Variants in SNRPA1 observed in about 807,000 individuals in gnomAD.
SNRPA1 encodes U2 small nuclear ribonucleoprotein A'.
In SNRPA1, 5 loss-of-function variants were observed where a neutral mutation model predicts 32.3. The ratio of observed to expected loss-of-function variants is 0.15; its 90% CI spans 0.08 to 0.33. The LOEUF (loss-of-function observed/expected upper bound fraction) is 0.33, where lower values mean the gene tolerates loss of function less well. Ranked by LOEUF, SNRPA1 falls within the 10% of genes least tolerant of loss-of-function variation. SNRPA1 has a pLI of 1.00. For synonymous variants in SNRPA1, 111 were observed against 120.1 expected (o/e 0.92, Z 0.50); for missense variants, 198 against 311.1 (o/e 0.64, Z 2.74).
At chr15:101,293,808 A>G (rs1397237313) in intron 1 of SNRPA1, among the ~76,000 whole-genome samples, 1 of 152,256 alleles carries the variant, frequency 6.6e-6, no homozygotes. Flanking sequence ...CCGAAGAAGC[A>G]AGGTCTACTA....
intron 5 of SNRPA1, chr15:101,286,686 G>A (rs1395807894): frequency 1.0e-5 from 5 of 492,882 alleles, no homozygotes; most frequent in African/African-American, 3.9e-5. Context: ...AGCACTTTGC[G>A]AACTTCGGAA....
At chr15:101,286,771 T>G (rs1309931654) in intron 5 of SNRPA1, 137 bp downstream of exon 5, 4 of 593,460 alleles carry the variant, frequency 6.7e-6, no homozygotes, top group African/African-American at 1.9e-5. Flanking sequence ...AAATGTGATG[T>G]AACATTTTCC....
At chr15:101,285,824 CTGTT>C in intron 6 of SNRPA1, 23 bp from the exon 7 acceptor site, 1 of 1,586,954 alleles carries the variant, frequency 6.3e-7, no homozygotes, top group Non-Finnish European at 8.6e-7. Flanking sequence ...AAGAACATAA[CTGTT>C]AGACCTAGAC....
chr15:101,286,555 C>T (rs910630639), intron 5 of SNRPA1: 11 of 484,242 alleles, frequency 2.3e-5, no homozygotes, highest in Non-Finnish European at 4.0e-5. Context: ...ATAATGAATT[C>T]CTAATAAAGG....
chr15:101,286,344 T>C (rs747640327), intron 5 of SNRPA1, 51 bp from the exon 6 acceptor site: 1 of 1,507,732 alleles, frequency 6.6e-7, no homozygotes, highest in South Asian at 1.1e-5. Flanking sequence ...ACCACATGCA[T>C]TTAGATGCAT....
chr15:101,290,215 C>T (rs544797591), intron 3 of SNRPA1, among the ~76,000 whole-genome samples: 1 of 152,276 alleles, frequency 6.6e-6, no homozygotes, highest in South Asian at 2.1e-4. Flanking sequence ...CTAAAATCGA[C>T]AGAACTTCAG....
chr15:101,286,088 A>G, intron 6 of SNRPA1, 126 bp downstream of exon 6: 1 of 763,464 alleles, frequency 1.3e-6, no homozygotes, highest in South Asian at 1.8e-5. Context: ...GACTATAAGC[A>G]CTCAAATTTA....
chr15:101,294,917 C>G, intron 1 of SNRPA1, 180 bp downstream of exon 1: 1 of 463,532 alleles, frequency 2.2e-6, no homozygotes. Context: ...AGGAGCTTAA[C>G]CGGATGCTCA....
intron 6 of SNRPA1, 80 bp from the exon 7 acceptor site, chr15:101,285,881 G>C (rs752372891): frequency 3.8e-4 from 411 of 1,071,110 alleles, no homozygotes; most frequent in Non-Finnish European, 5.6e-4. Context: ...GCTTTTGAAA[G>C]TAATTCAACC....
rs2039395823 is a variant in SNRPA1, at chr15:101,281,667, G to A, written c.*57C>T. On this transcript the variant is annotated 3_prime_UTR_variant, in exon 9 of 9. Transcript: ENST00000254193. ...AACACAAACAAGGCTATTATACCAT[G>A]TTCGAAAAGCAAGACTTGTTCCAAG... The A allele has an allele frequency of 7.5e-7, 1 of 1,326,388 alleles. No homozygotes were observed. Among genetic ancestry groups the A allele is most frequent in the South Asian group, 1.2e-5 (1 of 85,242 alleles). 82.2% of individuals were successfully genotyped at this position (1,326,388 alleles called of 1,614,324 possible).
At chr15:101,287,486 C>T (rs1242163774) in intron 4 of SNRPA1, among the ~76,000 whole-genome samples, 170 bp downstream of exon 4, 2 of 152,176 alleles carry the variant, frequency 1.3e-5, no homozygotes, top group African/African-American at 2.4e-5. Context: ...TTTCCAGCTT[C>T]ATCCATGTCC....
At chr15:101,293,826 AACTT>A (rs753036025) in intron 1 of SNRPA1, among the ~76,000 whole-genome samples, 5 of 152,264 alleles carry the variant, frequency 3.3e-5, no homozygotes, top group Non-Finnish European at 7.3e-5. Flanking sequence ...CTAAAAAAAG[AACTT>A]ACCCAAAGTT....
rs146907375 is a variant in SNRPA1 at position 101,281,888 on chromosome 15, G to A, written c.710-106C>T. ...CACTGTTTGTTACACACTGAAGTAG[G>A]TACAAAAAGATCAAAAGCAGCACCT... is the stretch of plus-strand genomic sequence containing the variant. On this transcript the variant is annotated intron_variant, in intron 8 of 8. Transcript: ENST00000254193. The A allele has an allele frequency of 1.2e-4, 125 of 1,058,056 alleles. 2 individuals carry two copies. In the East Asian group the frequency reaches 2.6e-3, roughly 22 times the overall value. The allele number at this position is 1,058,056 out of a possible 1,614,324, so 65.5% of individuals were successfully genotyped here.
rs1197738640 is a variant in SNRPA1 at position 101,295,134 on chromosome 15, G to A, written c.45C>T (p.Tyr15=). The change falls in exon 1 of 9, where the codon TAC becomes TAT. Residue 15 remains tyrosine (Y), a synonymous_variant. Transcript: ENST00000254193. ...GCTCCCGGTCGCGCACCGCGTTGGT[G>A]TACTGCGCCGCCTGCTCGATCAGCT... The part of the protein sequence containing the change: ...TAELIEQAAQ[Y]TNAVRDRELD... 1.9e-6 allele frequency: 3 copies of A among 1,555,774 alleles called. No individual in the cohort carries two copies. The highest frequency in any genetic ancestry group is 1.7e-6 in the Non-Finnish European group (2 of 1,155,242).
At chr15:101,285,520 C>T (rs2048852141) in intron 7 of SNRPA1, among the ~76,000 whole-genome samples, 1 of 152,228 alleles carries the variant, frequency 6.6e-6, no homozygotes. Context: ...AAAGACAAAG[C>T]TGCCTCCACA....
Sources: allele counts gnomAD v4.1 joint callset (sites outside exome capture counted in the v4.1 genomes callset), GRCh38; gene constraint gnomAD v4.1.1; transcripts MANE v1.5; gene names NCBI Gene and HGNC (gene_info 2026-07-23, HGNC 2026-07-21).